The following WWOX variants were observed in gnomAD, a reference collection of about 807,000 sequenced individuals.
WWOX encodes the protein WW domain-containing oxidoreductase.
A neutral mutation model predicts 46.2 loss-of-function variants in WWOX; 69 were observed. The ratio of observed to expected loss-of-function variants is 1.49; its 90% CI spans 1.23 to 1.82. WWOX has a LOEUF of 1.82. WWOX is among the 40% of genes most tolerant of loss of function. The pLI is 0.00. For synonymous variants in WWOX, 359 were observed against 202.6 expected, an observed-to-expected ratio of 1.77 and a Z score of -6.56; for missense variants, 919 against 542.6, an observed-to-expected ratio of 1.69 and a Z score of -6.89.
At chr16:79,153,580 A>T (rs369821454) in intron 8 of WWOX, among the ~76,000 whole-genome samples, 1 of 152,188 alleles carries the variant, frequency 6.6e-6, no homozygotes, top group South Asian at 2.1e-4. Flanking sequence ...TAATACCTGC[A>T]CACAATCAGT....
chr16:78,759,307 A>G (rs1216583123), intron 8 of WWOX, among the ~76,000 whole-genome samples: 2 of 152,176 alleles, frequency 1.3e-5, no homozygotes, highest in Non-Finnish European at 1.5e-5. Flanking sequence ...TGAGAAATGA[A>G]TTCGTAAGTG....
chr16:78,945,371 C>G (rs1456699813), intron 8 of WWOX, among the ~76,000 whole-genome samples: 5 of 152,116 alleles, frequency 3.3e-5, no homozygotes, highest in Admixed American at 6.5e-5. Context: ...GGCTACTTGT[C>G]TTTATAATTG....
intron 5 of WWOX, among the ~76,000 whole-genome samples, chr16:78,368,355 C>G (rs779932664): frequency 6.6e-6 from 1 of 152,212 alleles, no homozygotes; most frequent in Non-Finnish European, 1.5e-5. Flanking sequence ...AATTTCCCCA[C>G]ATGCCCTTCT....
At chr16:78,825,835 G>A in intron 8 of WWOX, 1 of 610,812 alleles carries the variant, frequency 1.6e-6, no homozygotes, top group Admixed American at 2.3e-5. Context: ...TCAAGGTGAA[G>A]GTCATGCTGC....
At chr16:78,126,121 AT>A (rs1171764745) in intron 4 of WWOX, among the ~76,000 whole-genome samples, 1 of 152,164 alleles carries the variant, frequency 6.6e-6, no homozygotes, top group Non-Finnish European at 1.5e-5. Flanking sequence ...GCTGCATAGT[AT>A]TCCATTATGT....
intron 6 of WWOX, among the ~76,000 whole-genome samples, chr16:78,423,367 C>G (rs2082997616): frequency 6.6e-6 from 1 of 151,916 alleles, no homozygotes; most frequent in Non-Finnish European, 1.5e-5. Flanking sequence ...TGGATATATT[C>G]TAAATGTAAT....
At chr16:78,775,533 A>C (rs775500263) in intron 8 of WWOX, among the ~76,000 whole-genome samples, 1 of 152,060 alleles carries the variant, frequency 6.6e-6, no homozygotes, top group South Asian at 2.1e-4. Flanking sequence ...ATCAAGGGAG[A>C]GTATGGGCTT....
chr16:78,823,649 A>G (rs1245344325), intron 8 of WWOX, among the ~76,000 whole-genome samples: 2 of 152,174 alleles, frequency 1.3e-5, no homozygotes, highest in Non-Finnish European at 2.9e-5. Context: ...GAGTTTATAT[A>G]AAAGTATACA....
At position 79,075,568 on chromosome 16, in the gene WWOX, G is replaced by C. The variant is rs71398132; in HGVS notation, c.1057-136040G>C. Among the ~76,000 whole-genome samples the C allele has an allele frequency of 4.7e-4, 66 of 140,346 alleles. 1 individual carries two copies. The highest frequency in any genetic ancestry group is 2.0e-4 in the Non-Finnish European group (13 of 64,336). 92.1% of individuals were successfully genotyped at this position (140,346 alleles called of 152,430 possible). A position where few individuals can be genotyped will look rare whatever the true frequency, so the allele number is the denominator to read the frequency against. Reference sequence around the variant, plus strand: ...CTCTCTCTCTTTTTTTTTTTCTTTTGTTTAGACGGAGTCTTGCTCTGTCAC... The same window carrying C: ...CTCTCTCTCTTTTTTTTTTTCTTTTCTTTAGACGGAGTCTTGCTCTGTCAC... On this transcript the variant is annotated intron_variant, in intron 8 of 8. Transcript: ENST00000566780.
At chr16:78,994,637 C>G (rs1035158736) in intron 8 of WWOX, among the ~76,000 whole-genome samples, 2 of 152,128 alleles carry the variant, frequency 1.3e-5, no homozygotes, top group Admixed American at 6.5e-5. Flanking sequence ...AAAGAATTCT[C>G]TATGAAATAA....
At chr16:79,029,940 G>T (rs2047720610) in intron 8 of WWOX, among the ~76,000 whole-genome samples, 1 of 152,146 alleles carries the variant, frequency 6.6e-6, no homozygotes, top group African/African-American at 2.4e-5. Context: ...GGGGCCAAGA[G>T]CCGTTGTGTT....
chr16:78,593,129 C>A (rs1207714668), intron 8 of WWOX, among the ~76,000 whole-genome samples: 1 of 152,258 alleles, frequency 6.6e-6, no homozygotes, highest in South Asian at 2.1e-4. Flanking sequence ...TTGTGCCAAA[C>A]CAGGTGTCAT....
At chr16:78,235,971 A>G (rs2037423752) in intron 5 of WWOX, among the ~76,000 whole-genome samples, 1 of 152,132 alleles carries the variant, frequency 6.6e-6, no homozygotes, top group Non-Finnish European at 1.5e-5. Context: ...TGTGGGCTTT[A>G]TGGTCTCTGT....
chr16:78,378,973 T>C (rs1423683219), intron 5 of WWOX, among the ~76,000 whole-genome samples: 2 of 152,190 alleles, frequency 1.3e-5, no homozygotes, highest in African/African-American at 4.8e-5. Context: ...AGTGTGGCAG[T>C]CATGTGACGA....
At chr16:79,159,044 C>T (rs957479485) in intron 8 of WWOX, among the ~76,000 whole-genome samples, 9 of 152,190 alleles carry the variant, frequency 5.9e-5, no homozygotes, top group Admixed American at 2.0e-4. Context: ...CTGAAAATTA[C>T]GAAAGAAATA....
chr16:78,118,200 C>T (rs988538238), intron 4 of WWOX, among the ~76,000 whole-genome samples: 1 of 151,750 alleles, frequency 6.6e-6, no homozygotes, highest in Non-Finnish European at 1.5e-5. Flanking sequence ...CAAACTCTGT[C>T]TTGTCATCAT....
chr16:78,719,295 G>A (rs2048639696), intron 8 of WWOX, among the ~76,000 whole-genome samples: 3 of 152,220 alleles, frequency 2.0e-5, no homozygotes, highest in Non-Finnish European at 4.4e-5. Context: ...ATTCTGGGGA[G>A]CCTTCCCTGT....
chr16:78,575,098 T>G (rs2044844132), intron 8 of WWOX, among the ~76,000 whole-genome samples: 1 of 66,824 alleles, frequency 1.5e-5, no homozygotes, highest in African/African-American at 4.7e-5. Flanking sequence ...TATATATATT[T>G]AAAGCTGTCA....
intron 8 of WWOX, among the ~76,000 whole-genome samples, chr16:79,173,524 C>T (rs1299163053): frequency 6.6e-6 from 1 of 152,090 alleles, no homozygotes; most frequent in Non-Finnish European, 1.5e-5. Context: ...GAAGCAGTTT[C>T]CCTTGATAAG....
Sources: allele counts gnomAD v4.1 joint callset (sites outside exome capture counted in the v4.1 genomes callset), GRCh38; gene constraint gnomAD v4.1.1; transcripts MANE v1.5; gene names NCBI Gene and HGNC (gene_info 2026-07-23, HGNC 2026-07-21).